Variants in DNAH14 observed in about 807,000 individuals in gnomAD.
DNAH14 encodes dynein axonemal heavy chain 14.
In DNAH14, 478 loss-of-function variants were observed where a neutral mutation model predicts 520.9. The ratio of observed to expected loss-of-function variants is 0.92; its 90% CI spans 0.85 to 0.99. DNAH14 has a LOEUF of 0.99. Among genes scored for constraint, DNAH14 ranks in the 50% least tolerant of loss-of-function variants. The pLI, the probability that DNAH14 is intolerant of heterozygous loss-of-function variation, is 0.00. For synonymous variants in DNAH14, 1,581 were observed against 1,757.2 expected (o/e 0.90, Z 2.51); for missense variants, 4,831 against 5,234.5 (o/e 0.92, Z 2.38).
rs370919219 is a variant in DNAH14, at chr1:225,388,437, G to A, written c.13136G>A (p.Arg4379Gln). 17 of 1,534,570 alleles carry A rather than the reference G, an allele frequency of 1.1e-5. No individual in the cohort carries two copies. Among genetic ancestry groups the A allele is most frequent in the Admixed American group, 9.8e-5 (5 of 50,806 alleles). ...LSSWIDDLIQ[R>Q]LNFFNTWAKV... ...TCCTGGATTGATGATCTCATCCAGC[G>A]ACTGAATTTCTTCAATACTTGGGCC... The change falls in exon 82 of 86, where the codon CGA becomes CAA. Residue 4379 changes from arginine to glutamine, a missense_variant. Arg to Gln is a conservative substitution (Grantham distance 43). Transcript: ENST00000682510.
At position 225,335,824 on chromosome 1, in the gene DNAH14, CATATGTACAT is replaced by C. The variant is rs1172172576; in HGVS notation, c.10081-1430_10081-1421del. Among the ~76,000 whole-genome samples, 2 of 102,884 alleles carry C rather than the reference CATATGTACAT, an allele frequency of 1.9e-5. 1 individual carries two copies. Among genetic ancestry groups the C allele is most frequent in the Non-Finnish European group, 3.9e-5 (2 of 50,772 alleles). 67.5% of individuals were successfully genotyped at this position (102,884 alleles called of 152,430 possible). On this transcript the variant is annotated intron_variant, in intron 66 of 85. Transcript: ENST00000682510. The stretch of plus-strand genomic sequence containing the variant: ...GTATATGTACATATATGTACATACA[CATATGTACAT>C]ATATGTACATACACATATGTACATA...
chr1:225,148,100 G>A (rs985178408), intron 31 of DNAH14, among the ~76,000 whole-genome samples: 1 of 152,108 alleles, frequency 6.6e-6, no homozygotes, highest in African/African-American at 2.4e-5. Flanking sequence ...AACATACCCA[G>A]GCATGTGTCA....
At chr1:225,325,846 C>A (rs932490714) in intron 64 of DNAH14, among the ~76,000 whole-genome samples, 11 of 152,192 alleles carry the variant, frequency 7.2e-5, no homozygotes, top group African/African-American at 2.6e-4. Context: ...AGATAGCTGG[C>A]AACTCTGGGC....
chr1:224,982,292 G>T (rs527678977), intron 8 of DNAH14, among the ~76,000 whole-genome samples: 1 of 152,150 alleles, frequency 6.6e-6, no homozygotes, highest in South Asian at 2.1e-4. Context: ...ACCTCTCTTG[G>T]TGTGCAGGCA....
chr1:225,245,893 C>A (rs925959247), intron 43 of DNAH14, among the ~76,000 whole-genome samples: 1 of 151,654 alleles, frequency 6.6e-6, no homozygotes. Flanking sequence ...CATATGGAAC[C>A]AAAAAAGAAC....
intron 84 of DNAH14, chr1:225,398,180 C>T (rs1260743486): frequency 2.1e-5 from 4 of 190,110 alleles, no homozygotes; most frequent in Non-Finnish European, 4.3e-5. Context: ...CCTTTTGTAA[C>T]TGTTCTTGTT....
chr1:225,248,407 G>A (rs571904311), intron 43 of DNAH14, among the ~76,000 whole-genome samples: 3 of 152,138 alleles, frequency 2.0e-5, no homozygotes, highest in Non-Finnish European at 4.4e-5. Flanking sequence ...GAAGAGGGGG[G>A]TGTTCAATAG....
chr1:225,335,991 ACATATGCATATATGTATACG>A (rs1486137815), intron 66 of DNAH14, among the ~76,000 whole-genome samples: 24 of 132,472 alleles, frequency 1.8e-4, no homozygotes, highest in Non-Finnish European at 2.9e-4. Flanking sequence ...GTATATACAC[ACATATGCATATATGTATACG>A]CATATATGCA....
rs149866254 is a variant in DNAH14 at position 225,234,467 on chromosome 1, C to T, written c.6518+3316C>T. 7.1e-3 allele frequency among the ~76,000 whole-genome samples: 1,085 copies of T among 152,260 alleles called. 9 individuals are homozygous for T. The highest frequency in any genetic ancestry group is 0.024 in the African/African-American group (1,016 of 41,552). On this transcript the variant is annotated intron_variant, in intron 42 of 85. Transcript: ENST00000682510. ...CCTCCCAAAGTGCTGGGATTACAGG[C>T]GTGAGCCACTGTGCCTGGCCAGCTT...
intron 54 of DNAH14, among the ~76,000 whole-genome samples, chr1:225,286,097 A>G (rs1364598135): frequency 1.3e-5 from 2 of 152,208 alleles, no homozygotes; most frequent in African/African-American, 2.4e-5. Context: ...ACTGAGAAAC[A>G]AAATTCGAAC....
intron 40 of DNAH14, among the ~76,000 whole-genome samples, chr1:225,206,407 T>G (rs1274063438): frequency 6.6e-6 from 1 of 152,180 alleles, no homozygotes; most frequent in South Asian, 2.1e-4. Flanking sequence ...AGTGTCAGTA[T>G]TTTCCACAAC....
chr1:225,300,791 G>A, intron 55 of DNAH14, 78 bp from the exon 56 acceptor site: 3 of 1,401,554 alleles, frequency 2.1e-6, no homozygotes. Context: ...TTGCTTTCTT[G>A]CTTCCTCAAA....
chr1:225,249,851 G>A (rs1267241564), intron 43 of DNAH14, among the ~76,000 whole-genome samples: 1 of 152,040 alleles, frequency 6.6e-6, no homozygotes, highest in African/African-American at 2.4e-5. Flanking sequence ...TGGTCTGTTG[G>A]GTCTGGTTTA....
chr1:225,246,105 C>CAAAAAAAAAAAA (rs140007042), intron 43 of DNAH14, among the ~76,000 whole-genome samples: 1 of 77,728 alleles, frequency 1.3e-5, no homozygotes, highest in African/African-American at 4.8e-5. Context: ...ACAAACCTGG[C>CAAAAAAAAAAAA]AAAAAAAAAA....
chr1:225,315,748 A>G (rs1159713451), intron 60 of DNAH14, among the ~76,000 whole-genome samples: 2 of 152,150 alleles, frequency 1.3e-5, no homozygotes, highest in African/African-American at 4.8e-5. Context: ...CTGTTTGTCT[A>G]GGTATCACCA....
rs1174760441 is a variant in DNAH14, at chr1:225,374,812, G to A, written c.12443G>A (p.Cys4148Tyr). 6.8e-5 allele frequency: 106 copies of A among 1,551,506 alleles called. No individual in the cohort carries two copies. The highest frequency in any genetic ancestry group is 8.9e-5 in the Non-Finnish European group (102 of 1,146,972). The change falls in exon 78 of 86, where the codon TGC (cysteine) becomes TAC (tyrosine). Residue 4148 changes from cysteine to tyrosine, a missense_variant. Cys to Tyr is a radical substitution (Grantham distance 194). Coordinates refer to ENST00000682510, the MANE Select transcript of DNAH14 (RefSeq NM_001367479.1). ...GTGATTGATAATTGGGACAAGCGAT[G>A]CTTGAAGACCCTACTCTACAAATTT... ...GRVIDNWDKR[C>Y]LKTLLYKFCN...
intron 36 of DNAH14, among the ~76,000 whole-genome samples, chr1:225,180,104 C>A (rs1324971521): frequency 6.6e-6 from 1 of 152,134 alleles, no homozygotes; most frequent in Non-Finnish European, 1.5e-5. Flanking sequence ...TGAGTTAAAT[C>A]TGCTTGGTGA....
intron 54 of DNAH14, among the ~76,000 whole-genome samples, chr1:225,281,831 G>A (rs1001012972): frequency 2.0e-5 from 3 of 152,096 alleles, no homozygotes; most frequent in African/African-American, 4.8e-5. Flanking sequence ...AAATAGATGT[G>A]ATAAGATACA....
At chr1:225,225,522 G>T (rs2090454562) in intron 41 of DNAH14, among the ~76,000 whole-genome samples, 1 of 151,958 alleles carries the variant, frequency 6.6e-6, no homozygotes, top group African/African-American at 2.4e-5. Context: ...AGTACCCAAG[G>T]ACAGGCCATA....
Sources: allele counts gnomAD v4.1 joint callset (sites outside exome capture counted in the v4.1 genomes callset), GRCh38; gene constraint gnomAD v4.1.1; transcripts MANE v1.5; gene names NCBI Gene and HGNC (gene_info 2026-07-23, HGNC 2026-07-21).